Variants in KLRG1 observed in about 807,000 individuals in gnomAD.
KLRG1 encodes killer cell lectin-like receptor subfamily G member 1.
Under a neutral mutation model 21.8 loss-of-function variants are expected in KLRG1, and 16 were observed. The observed-to-expected ratio is 0.73, with a 90% CI of 0.50 to 1.11. KLRG1 has a LOEUF of 1.11. KLRG1 is among the 50% of genes most tolerant of loss of function. KLRG1 has a pLI of 0.00. For synonymous variants in KLRG1, 69 were observed against 75.9 expected, an observed-to-expected ratio of 0.91 and a Z score of 0.47; for missense variants, 173 against 218.3, an observed-to-expected ratio of 0.79 and a Z score of 1.31.
the KLRG1 span, among the ~76,000 whole-genome samples, chr12:9,017,311 A>G: frequency 1.3e-5 from 2 of 151,648 alleles, no homozygotes; most frequent in Admixed American, 6.6e-5. Context: ...AAAATCCCAA[A>G]CAAACAAACC....
intron 1 of KLRG1, among the ~76,000 whole-genome samples, chr12:8,980,253 C>A (rs1408948141): frequency 6.6e-6 from 1 of 151,780 alleles, no homozygotes; most frequent in Non-Finnish European, 1.5e-5. Flanking sequence ...TTAATGATTT[C>A]TATCTCTCTG....
chr12:9,134,167 G>C, the KLRG1 span, among the ~76,000 whole-genome samples: 2 of 152,134 alleles, frequency 1.3e-5, no homozygotes, highest in Admixed American at 6.5e-5. Context: ...AACTATCATG[G>C]CAGAATTGCA....
chr12:9,074,356 G>A, the KLRG1 span, among the ~76,000 whole-genome samples: 2 of 152,086 alleles, frequency 1.3e-5, no homozygotes, highest in African/African-American at 2.4e-5. Flanking sequence ...CACAGCGATG[G>A]GGTGCCGGGA....
At chr12:9,040,707 G>A in the KLRG1 span, among the ~76,000 whole-genome samples, 1 of 152,040 alleles carries the variant, frequency 6.6e-6, no homozygotes, top group Non-Finnish European at 1.5e-5. Context: ...TTGTCTCTGG[G>A]GTTGTTTTCC....
chr12:9,158,001 TG>T, the KLRG1 span, among the ~76,000 whole-genome samples: 6 of 152,344 alleles, frequency 3.9e-5, no homozygotes, highest in South Asian at 1.2e-3. Flanking sequence ...TAGCTCAGGC[TG>T]GAGTGCAGTA....
At chr12:9,208,488 A>G in the KLRG1 span, 108 of 608,862 alleles carry the variant, frequency 1.8e-4, 1 homozygote, top group Non-Finnish European at 3.5e-5. Context: ...AATTGAGCAC[A>G]GATTCCCTAA....
chr12:9,079,721 G>A, the KLRG1 span: 1 of 1,613,592 alleles, frequency 6.2e-7, no homozygotes, highest in Non-Finnish European at 8.5e-7. Context: ...GTACATAGAT[G>A]TTAGGAGCAA....
the KLRG1 span, chr12:9,090,421 G>A: frequency 0.022 from 36,169 of 1,613,968 alleles, 488 homozygotes; most frequent in Non-Finnish European, 0.026. Context: ...GCAGTGAGGC[G>A]CTTGTTCCTT....
the KLRG1 span, among the ~76,000 whole-genome samples, chr12:9,174,322 A>C: frequency 6.6e-6 from 1 of 151,766 alleles, no homozygotes; most frequent in Non-Finnish European, 1.5e-5. Flanking sequence ...TTGAAGGAAC[A>C]TACCTCATAA....
intron 1 of KLRG1, among the ~76,000 whole-genome samples, chr12:8,983,213 C>T (rs1946784463): frequency 6.6e-6 from 1 of 151,508 alleles, no homozygotes; most frequent in African/African-American, 2.4e-5. Flanking sequence ...TTCTGTATAT[C>T]TATGTTTTTA....
the KLRG1 span, among the ~76,000 whole-genome samples, chr12:9,054,358 G>A: frequency 6.6e-6 from 1 of 152,010 alleles, no homozygotes; most frequent in Non-Finnish European, 1.5e-5. Context: ...TATTACCAAG[G>A]TTATGTGCAA....
chr12:9,080,072 C>T, the KLRG1 span: 3 of 1,500,808 alleles, frequency 2.0e-6, no homozygotes, highest in East Asian at 4.8e-5. Flanking sequence ...ATGCCCGGAT[C>T]CACTAGGGGC....
the KLRG1 span, among the ~76,000 whole-genome samples, chr12:9,020,156 C>T: frequency 6.6e-6 from 1 of 152,138 alleles, no homozygotes. Context: ...AAGTGATCCT[C>T]CTGCCTTGGC....
the KLRG1 span, among the ~76,000 whole-genome samples, chr12:9,146,589 T>C: frequency 6.6e-6 from 1 of 152,226 alleles, no homozygotes; most frequent in Non-Finnish European, 1.5e-5. Flanking sequence ...TGTTGTTGCC[T>C]CTGCATTAGA....
chr12:8,982,846 A>G (rs1946777506), intron 1 of KLRG1, among the ~76,000 whole-genome samples: 1 of 151,958 alleles, frequency 6.6e-6, no homozygotes, highest in South Asian at 2.1e-4. Context: ...GCGTTTCACC[A>G]TGTTGGCCAG....
At chr12:9,204,411 G>A in the KLRG1 span, among the ~76,000 whole-genome samples, 8 of 152,214 alleles carry the variant, frequency 5.3e-5, no homozygotes, top group East Asian at 3.9e-4. Context: ...AATGAACACC[G>A]TGACTAGATT....
the KLRG1 span, among the ~76,000 whole-genome samples, chr12:9,191,138 A>G: frequency 6.6e-6 from 1 of 152,140 alleles, no homozygotes; most frequent in Non-Finnish European, 1.5e-5. Context: ...TCATTTTACT[A>G]TATAGAGATT....
At chr12:9,031,614 T>C in the KLRG1 span, among the ~76,000 whole-genome samples, 4 of 152,170 alleles carry the variant, frequency 2.6e-5, no homozygotes, top group Non-Finnish European at 5.9e-5. Flanking sequence ...CTGAGCTAAA[T>C]ATGAGTGACC....
chr12:9,203,915 A>C, the KLRG1 span: 15 of 1,613,920 alleles, frequency 9.3e-6, no homozygotes, highest in South Asian at 1.5e-4. Flanking sequence ...TAGGGGCCTC[A>C]GTGTGGAGCA....
Sources: gnomAD v4.1 joint callset for allele counts (sites outside exome capture counted in the v4.1 genomes callset) on GRCh38, gnomAD v4.1.1 for gene constraint, MANE v1.5 for transcripts, NCBI Gene and HGNC (gene_info 2026-07-23, HGNC 2026-07-21) for gene names.